KCMF1: variants seen among roughly 807,000 people sequenced by gnomAD.
KCMF1 encodes the protein E3 ubiquitin-protein ligase KCMF1.
In KCMF1, 3 loss-of-function variants were observed where a neutral mutation model predicts 41.1. That is an observed-to-expected ratio of 0.07 (90% CI 0.03 to 0.19). The LOEUF (loss-of-function observed/expected upper bound fraction) is 0.19, where lower values mean the gene tolerates loss of function less well. KCMF1 is among the 10% of genes least tolerant of loss of function. KCMF1 has a pLI of 1.00. For missense variants in KCMF1, 286 were observed against 488.9 expected (o/e 0.58, Z 3.91); for synonymous variants, 142 against 164.5 (o/e 0.86, Z 1.04).
intron 1 of KCMF1, among the ~76,000 whole-genome samples, chr2:85,015,794 T>G (rs898508165): frequency 6.6e-6 from 1 of 152,236 alleles, no homozygotes; most frequent in Non-Finnish European, 1.5e-5. Flanking sequence ...TTGTGAAGAT[T>G]GACAAAGTAA....
chr2:85,026,711 C>T (rs192691898), intron 1 of KCMF1, among the ~76,000 whole-genome samples: 11 of 152,168 alleles, frequency 7.2e-5, no homozygotes, highest in Admixed American at 2.0e-4. Context: ...TGGTCTTGAA[C>T]TCCTGGCCTC....
At chr2:84,988,915 A>G (rs1237764298) in intron 1 of KCMF1, among the ~76,000 whole-genome samples, 1 of 152,246 alleles carries the variant, frequency 6.6e-6, no homozygotes, top group East Asian at 1.9e-4. Context: ...TTGTATAAAC[A>G]GATGAACATG....
intron 1 of KCMF1, among the ~76,000 whole-genome samples, chr2:85,011,584 T>G (rs764949625): frequency 6.6e-6 from 1 of 152,170 alleles, no homozygotes; most frequent in Non-Finnish European, 1.5e-5. Flanking sequence ...TATTTGGCCT[T>G]CTGAGCAGGA....
chr2:85,048,123 AAAAC>A (rs1283552550), intron 5 of KCMF1, among the ~76,000 whole-genome samples: 5 of 152,356 alleles, frequency 3.3e-5, no homozygotes, highest in African/African-American at 7.2e-5. Context: ...TTAAAAAAGA[AAAAC>A]AACCTAAGAA....
At chr2:85,032,714 G>A (rs1168935718) in intron 2 of KCMF1, among the ~76,000 whole-genome samples, 1 of 152,016 alleles carries the variant, frequency 6.6e-6, no homozygotes, top group Non-Finnish European at 1.5e-5. Flanking sequence ...GGTTTTCCTA[G>A]TTGGCCAGGC....
intron 1 of KCMF1, 113 bp downstream of exon 1, chr2:84,971,580 C>A: frequency 2.0e-6 from 1 of 493,742 alleles, no homozygotes; most frequent in Non-Finnish European, 2.8e-6. Flanking sequence ...CGAGCCCGAG[C>A]CGGGCCCGAG....
chr2:85,019,763 T>C (rs1029242379), intron 1 of KCMF1, among the ~76,000 whole-genome samples: 1 of 151,786 alleles, frequency 6.6e-6, no homozygotes, highest in African/African-American at 2.4e-5. Flanking sequence ...TGTGTGTGTA[T>C]ATATACATAT....
chr2:84,989,902 T>C (rs1673996882), intron 1 of KCMF1, among the ~76,000 whole-genome samples: 2 of 152,058 alleles, frequency 1.3e-5, no homozygotes, highest in African/African-American at 4.8e-5. Flanking sequence ...TGTTGTAGAG[T>C]GATTGCTCAG....
intron 1 of KCMF1, among the ~76,000 whole-genome samples, chr2:85,026,299 C>CTT (rs76915217): frequency 1.4e-5 from 2 of 145,380 alleles, no homozygotes; most frequent in Non-Finnish European, 3.0e-5. Context: ...CATATTTTAA[C>CTT]TTTTTTTTTT....
At position 84,971,484 on chromosome 2, in the gene KCMF1, C is replaced by T; in HGVS notation, c.16+17C>T. ...GACATGAAGGTGAGAGGAGCCCCCG[C>T]CCCCACCCGCACCTCCCGGGCCTCG... On this transcript the variant is annotated intron_variant, in intron 1 of 6. Coordinates refer to ENST00000409785, the MANE Select transcript of KCMF1 (RefSeq NM_020122.5). 2 of 1,248,470 alleles carry T rather than the reference C, an allele frequency of 1.6e-6. No individual in the cohort carries two copies. The highest frequency in any genetic ancestry group is 2.1e-6 in the Non-Finnish European group (2 of 973,972). The allele number at this position is 1,248,470 out of a possible 1,614,324, so 77.3% of individuals were successfully genotyped here.
intron 1 of KCMF1, among the ~76,000 whole-genome samples, chr2:85,004,540 A>G (rs1183637492): frequency 6.6e-6 from 1 of 151,936 alleles, no homozygotes; most frequent in Non-Finnish European, 1.5e-5. Context: ...AAAAAAAGAG[A>G]AAGCAAAACT....
intron 5 of KCMF1, among the ~76,000 whole-genome samples, chr2:85,047,723 T>C (rs566781577): frequency 6.6e-6 from 1 of 151,982 alleles, no homozygotes; most frequent in South Asian, 2.1e-4. Flanking sequence ...TGTAGCCTGA[T>C]AATCTGCAAG....
intron 1 of KCMF1, among the ~76,000 whole-genome samples, chr2:84,992,457 T>C (rs902417519): frequency 6.6e-6 from 1 of 152,014 alleles, no homozygotes; most frequent in Admixed American, 6.6e-5. Flanking sequence ...GGTTTCGCCA[T>C]GTTGGCCAGG....
At chr2:85,027,529 C>G (rs1675139119) in intron 1 of KCMF1, among the ~76,000 whole-genome samples, 1 of 151,864 alleles carries the variant, frequency 6.6e-6, no homozygotes, top group Admixed American at 6.6e-5. Flanking sequence ...TGCCAGCCAC[C>G]ACGCCCAGCT....
chr2:85,026,600 C>T (rs919472884), intron 1 of KCMF1, among the ~76,000 whole-genome samples: 9 of 151,712 alleles, frequency 5.9e-5, no homozygotes, highest in African/African-American at 1.7e-4. Context: ...GCATTCCTCC[C>T]ACCTCAACCT....
intron 1 of KCMF1, among the ~76,000 whole-genome samples, chr2:85,003,274 C>T (rs189993224): frequency 1.3e-5 from 2 of 152,064 alleles, no homozygotes; most frequent in African/African-American, 4.8e-5. Flanking sequence ...GAGATTGAGA[C>T]CATTCTGGCT....
In KCMF1 at chr2:84,980,038, G is replaced by C. The variant is rs528892986; in HGVS notation, c.16+8571G>C. The stretch of plus-strand genomic sequence containing the variant: ...AGTAGAGATGGTGTTTCTCCATGTT[G>C]GTCAGGCTGGTCTTGAACTCCTGAC... On this transcript the variant is annotated intron_variant, in intron 1 of 6. Transcript: ENST00000409785. Among the ~76,000 whole-genome samples the C allele has an allele frequency of 2.5e-3, 374 of 150,908 alleles. 3 individuals carry two copies. Among genetic ancestry groups the C allele is most frequent in the African/African-American group, 8.8e-3 (363 of 41,072 alleles).
At chr2:85,010,255 G>C (rs1558574405) in intron 1 of KCMF1, among the ~76,000 whole-genome samples, 1 of 152,236 alleles carries the variant, frequency 6.6e-6, no homozygotes, top group Non-Finnish European at 1.5e-5. Context: ...GATCAGTTTA[G>C]GCCAGGAGTT....
chr2:85,008,329 A>T lies in KCMF1; in HGVS notation c.17-19560A>T, dbSNP rs1191717389. ...TAATATGATATATATATCATATATA[A>T]TATATAATATGATATATAATATATA... On this transcript the variant is annotated intron_variant, in intron 1 of 6. Transcript: ENST00000409785. Among the ~76,000 whole-genome samples, 3 of 113,582 alleles carry T rather than the reference A, an allele frequency of 2.6e-5. 1 individual carries two copies. The highest frequency in any genetic ancestry group is 1.0e-4 in the African/African-American group (3 of 28,692). The allele number at this position is 113,582 out of a possible 152,430, so 74.5% of individuals were successfully genotyped here. A position where few individuals can be genotyped will look rare whatever the true frequency, so the allele number is the denominator to read the frequency against.
Sources: gnomAD v4.1 joint callset for allele counts (sites outside exome capture counted in the v4.1 genomes callset) on GRCh38, gnomAD v4.1.1 for gene constraint, MANE v1.5 for transcripts, NCBI Gene and HGNC (gene_info 2026-07-23, HGNC 2026-07-21) for gene names.